KALRN: variants seen among roughly 807,000 people sequenced by gnomAD.
KALRN encodes the protein kalirin RhoGEF kinase.
Under a neutral mutation model 353.7 loss-of-function variants are expected in KALRN, and 70 were observed. That is an observed-to-expected ratio of 0.20 (90% CI 0.16 to 0.24). KALRN has a LOEUF of 0.24. Among genes scored for constraint, KALRN ranks in the 10% least tolerant of loss-of-function variants. KALRN has a pLI of 1.00. For synonymous variants in KALRN, 1,391 were observed against 1,434.8 expected, an observed-to-expected ratio of 0.97 and a Z score of 0.69; for missense variants, 2,791 against 3,756.7, an observed-to-expected ratio of 0.74 and a Z score of 6.72.
At chr3:124,408,077 CT>C (rs967181656) in intron 13 of KALRN, among the ~76,000 whole-genome samples, 43 of 152,144 alleles carry the variant, frequency 2.8e-4, no homozygotes, top group African/African-American at 9.6e-4. Context: ...CTGGCCAAAA[CT>C]TTTTTTTAAA....
At chr3:124,490,586 A>G (rs2108424976) in intron 29 of KALRN, 108 bp from the exon 30 acceptor site, 2 of 967,088 alleles carry the variant, frequency 2.1e-6, no homozygotes, top group South Asian at 3.3e-5. Flanking sequence ...CCCTTCAGTA[A>G]CTGAAGACTA....
intron 36 of KALRN, among the ~76,000 whole-genome samples, chr3:124,636,747 T>C (rs2081389051): frequency 6.6e-6 from 1 of 152,186 alleles, no homozygotes; most frequent in Admixed American, 6.5e-5. Flanking sequence ...TCTAAGGCTG[T>C]AGTAAAGCAA....
intron 33 of KALRN, among the ~76,000 whole-genome samples, chr3:124,524,808 C>G (rs1046160431): frequency 2.0e-5 from 3 of 152,184 alleles, no homozygotes; most frequent in Admixed American, 6.5e-5. Context: ...AACTTATAAT[C>G]CAGAAAGGAA....
At chr3:124,439,831 C>T (rs977068782) in intron 18 of KALRN, among the ~76,000 whole-genome samples, 1 of 152,200 alleles carries the variant, frequency 6.6e-6, no homozygotes, top group Non-Finnish European at 1.5e-5. Flanking sequence ...ATCTTCTCCT[C>T]TGATCGCCTC....
chr3:124,479,783 G>A (rs11705905), intron 27 of KALRN, among the ~76,000 whole-genome samples: 54,092 of 147,122 alleles, frequency 0.37, 10,531 homozygotes, highest in Middle Eastern at 0.48. Context: ...GAGTGCAGTG[G>A]CGCGATCTCG....
chr3:124,703,339 G>A (rs898716000), intron 57 of KALRN, among the ~76,000 whole-genome samples: 3 of 152,128 alleles, frequency 2.0e-5, no homozygotes, highest in Admixed American at 1.3e-4. Context: ...TGGTGATGAT[G>A]ATAATGATGA....
chr3:124,371,463 C>T (rs1170273378), intron 10 of KALRN, among the ~76,000 whole-genome samples: 1 of 152,068 alleles, frequency 6.6e-6, no homozygotes, highest in Admixed American at 6.5e-5. Context: ...AACAGAATTG[C>T]TGGGTTGTAT....
intron 8 of KALRN, among the ~76,000 whole-genome samples, chr3:124,330,474 G>T (rs141822877): frequency 1.3e-5 from 2 of 152,020 alleles, no homozygotes; most frequent in African/African-American, 2.4e-5. Flanking sequence ...CTCACTAGAC[G>T]ATCCAGAGGA....
At chr3:124,206,376 T>C (rs1285909861) in intron 1 of KALRN, among the ~76,000 whole-genome samples, 1 of 152,188 alleles carries the variant, frequency 6.6e-6, no homozygotes, top group African/African-American at 2.4e-5. Context: ...CATATGATAC[T>C]TCTGCTCACC....
At chr3:124,205,838 T>C (rs1316956514) in intron 1 of KALRN, among the ~76,000 whole-genome samples, 1 of 152,178 alleles carries the variant, frequency 6.6e-6, no homozygotes, top group Non-Finnish European at 1.5e-5. Context: ...GGAGGACCTG[T>C]CAAATCCCTG....
intron 1 of KALRN, among the ~76,000 whole-genome samples, chr3:124,227,133 C>T (rs187251613): frequency 1.3e-5 from 2 of 152,286 alleles, no homozygotes; most frequent in Middle Eastern, 3.4e-3. Flanking sequence ...TGTCCTTTGC[C>T]TCCTGAGGCT....
At chr3:124,244,649 A>G (rs1157508535) in intron 3 of KALRN, among the ~76,000 whole-genome samples, 1 of 152,152 alleles carries the variant, frequency 6.6e-6, no homozygotes, top group Non-Finnish European at 1.5e-5. Flanking sequence ...AAAACTTTTC[A>G]TGTGTAATAG....
At chr3:124,064,227 T>C (rs1209701021) in intron 1 of KALRN, among the ~76,000 whole-genome samples, 1 of 151,936 alleles carries the variant, frequency 6.6e-6, no homozygotes, top group African/African-American at 2.4e-5. Flanking sequence ...TAAGGAAGCA[T>C]AAACCAGAGG....
intron 3 of KALRN, among the ~76,000 whole-genome samples, chr3:124,262,250 ACT>A (rs2072983489): frequency 6.6e-6 from 1 of 152,202 alleles, no homozygotes; most frequent in Non-Finnish European, 1.5e-5. Flanking sequence ...ATGAGAAAAA[ACT>A]ACGTTACAGT....
chr3:124,539,241 G>A (rs1041742319), intron 33 of KALRN, among the ~76,000 whole-genome samples: 12 of 152,288 alleles, frequency 7.9e-5, no homozygotes, highest in Non-Finnish European at 1.5e-4. Context: ...CTGTTTCAGG[G>A]ATATTAAAAT....
chr3:124,457,517 G>A (rs577036983), intron 23 of KALRN, among the ~76,000 whole-genome samples: 13 of 152,322 alleles, frequency 8.5e-5, no homozygotes, highest in African/African-American at 3.1e-4. Context: ...CCTTTCTGGA[G>A]TACATTTTAT....
intron 1 of KALRN, among the ~76,000 whole-genome samples, chr3:124,153,900 G>T (rs1259995630): frequency 2.6e-5 from 4 of 151,898 alleles, no homozygotes; most frequent in African/African-American, 7.3e-5. Flanking sequence ...GTGTCTTTTG[G>T]CTGCATAAAT....
At position 124,324,764 on chromosome 3, in the gene KALRN, G is replaced by A. The variant is rs938845043; in HGVS notation, c.1093-1216G>A. ...GCTAAGACGAATGCGGACCATGAGG[G>A]AAGTGAGAAAGGAAAATAAAGAACC... On this transcript the variant is annotated intron_variant, in intron 6 of 59. Coordinates refer to ENST00000682506, the MANE Select transcript of KALRN (RefSeq NM_001388419.1). Among the ~76,000 whole-genome samples the A allele has an allele frequency of 2.6e-5, 4 of 152,208 alleles. No individual in the cohort carries two copies. In the South Asian group the frequency reaches 8.3e-4, roughly 32 times the overall value.
chr3:124,088,007 A>T (rs907451712), intron 1 of KALRN, among the ~76,000 whole-genome samples: 4 of 152,186 alleles, frequency 2.6e-5, no homozygotes, highest in African/African-American at 7.2e-5. Context: ...CTTCAAAAAA[A>T]TTTTAAAAAT....
Sources: gnomAD v4.1 joint callset for allele counts (sites outside exome capture counted in the v4.1 genomes callset) on GRCh38, gnomAD v4.1.1 for gene constraint, MANE v1.5 for transcripts, NCBI Gene and HGNC (gene_info 2026-07-23, HGNC 2026-07-21) for gene names.